NCAM2: variants seen among roughly 807,000 people sequenced by gnomAD.
NCAM2 encodes the protein N-CAM-2.
NCAM2 carries 30 observed loss-of-function variants against 98.1 expected under a neutral mutation model. The observed-to-expected ratio is 0.31, with a 90% CI of 0.23 to 0.41. NCAM2 has a LOEUF of 0.41. Among genes scored for constraint, NCAM2 ranks in the 10% least tolerant of loss-of-function variants. The pLI is 1.00. For synonymous variants in NCAM2, 368 were observed against 342.4 expected (o/e 1.07, Z -0.83); for missense variants, 867 against 1,005.8 (o/e 0.86, Z 1.87).
intron 12 of NCAM2, among the ~76,000 whole-genome samples, chr21:21,464,403 T>G (rs1350502148): frequency 6.6e-6 from 1 of 152,134 alleles, no homozygotes; most frequent in East Asian, 1.9e-4. Flanking sequence ...TGAGCCTAGC[T>G]CACCTTTGCT....
At chr21:21,247,818 G>A (rs1454706815) in intron 1 of NCAM2, among the ~76,000 whole-genome samples, 1 of 152,142 alleles carries the variant, frequency 6.6e-6, no homozygotes, top group Admixed American at 6.5e-5. Context: ...TTATCTGAAT[G>A]AAAATATTTT....
chr21:21,529,065 T>C (rs1989485327), intron 16 of NCAM2, among the ~76,000 whole-genome samples: 1 of 152,136 alleles, frequency 6.6e-6, no homozygotes. Flanking sequence ...AATGAAAATA[T>C]CATGGTTGAT....
At chr21:21,485,097 G>T (rs1422016055) in intron 15 of NCAM2, among the ~76,000 whole-genome samples, 1 of 151,854 alleles carries the variant, frequency 6.6e-6, no homozygotes, top group Admixed American at 6.6e-5. Flanking sequence ...TAAAACATAA[G>T]CATTATATTT....
chr21:21,474,148 G>T (rs1984844700), intron 14 of NCAM2, among the ~76,000 whole-genome samples: 1 of 151,860 alleles, frequency 6.6e-6, no homozygotes, highest in African/African-American at 2.4e-5. Context: ...GATGCCAGGG[G>T]AGTATTTGGT....
intron 1 of NCAM2, among the ~76,000 whole-genome samples, chr21:21,263,044 G>A (rs1568851294): frequency 1.3e-5 from 2 of 152,152 alleles, no homozygotes; most frequent in Middle Eastern, 3.4e-3. Context: ...TGGGGACACA[G>A]CCAAACCATA....
At chr21:21,441,131 T>C (rs112955539) in intron 12 of NCAM2, among the ~76,000 whole-genome samples, 1 of 152,348 alleles carries the variant, frequency 6.6e-6, no homozygotes, top group African/African-American at 2.4e-5. Context: ...GCTTCAGCAG[T>C]AGTTAATATT....
intron 1 of NCAM2, among the ~76,000 whole-genome samples, chr21:21,146,338 G>A (rs2067273469): frequency 6.6e-6 from 1 of 151,100 alleles, no homozygotes; most frequent in Non-Finnish European, 1.5e-5. Context: ...TGTTATAGAG[G>A]GAAAATTGTC....
At chr21:21,192,385 G>T (rs1250589326) in intron 1 of NCAM2, among the ~76,000 whole-genome samples, 2 of 152,140 alleles carry the variant, frequency 1.3e-5, no homozygotes, top group East Asian at 1.9e-4. Flanking sequence ...GGTAAATAGA[G>T]CATTTAGAGT....
intron 1 of NCAM2, among the ~76,000 whole-genome samples, chr21:21,155,289 G>A (rs1234155863): frequency 1.3e-5 from 2 of 151,116 alleles, no homozygotes; most frequent in Non-Finnish European, 3.0e-5. Flanking sequence ...GAAATTTTGA[G>A]TCTGCTTAAT....
chr21:21,234,726 T>C (rs1438251981), intron 1 of NCAM2, among the ~76,000 whole-genome samples: 1 of 151,926 alleles, frequency 6.6e-6, no homozygotes, highest in African/African-American at 2.4e-5. Context: ...TTAATGAGTG[T>C]CTGGAGCAGA....
At chr21:21,343,354 C>T (rs1039319012) in intron 8 of NCAM2, among the ~76,000 whole-genome samples, 1 of 131,554 alleles carries the variant, frequency 7.6e-6, no homozygotes, top group African/African-American at 2.9e-5. Context: ...ACTATCTATA[C>T]ACATACACAC....
intron 12 of NCAM2, among the ~76,000 whole-genome samples, chr21:21,438,342 A>G (rs944292911): frequency 6.6e-6 from 1 of 152,180 alleles, no homozygotes; most frequent in African/African-American, 2.4e-5. Flanking sequence ...TTCTAATCTT[A>G]AATAAATCAT....
intron 1 of NCAM2, among the ~76,000 whole-genome samples, chr21:21,192,453 G>A (rs1229085868): frequency 6.6e-6 from 1 of 152,134 alleles, no homozygotes; most frequent in African/African-American, 2.4e-5. Context: ...AAATATGGAA[G>A]TAATTGAAAC....
chr21:21,448,928 C>A lies in NCAM2; in HGVS notation c.1654+16647C>A, dbSNP rs539864267. Among the ~76,000 whole-genome samples, 36 of 152,074 alleles carry A rather than the reference C, an allele frequency of 2.4e-4. 1 individual carries two copies. In the South Asian group the frequency reaches 7.1e-3, roughly 30 times the overall value. ...GTGTTCATTGCACCCATAAAGAGAA[C>A]CATAGCTAAATTAGGATGTTGTATG... On this transcript the variant is annotated intron_variant, in intron 12 of 17. Transcript: ENST00000400546.
At chr21:21,092,540 C>G (rs17003807) in intron 1 of NCAM2, among the ~76,000 whole-genome samples, 1 of 151,790 alleles carries the variant, frequency 6.6e-6, no homozygotes, top group Non-Finnish European at 1.5e-5. Flanking sequence ...AAACTACCTG[C>G]TTTGATACTA....
chr21:21,517,248 G>A (rs1231284589), intron 16 of NCAM2, among the ~76,000 whole-genome samples: 1 of 151,900 alleles, frequency 6.6e-6, no homozygotes, highest in African/African-American at 2.4e-5. Context: ...GTGTACTCCT[G>A]TTTCATTCCA....
intron 2 of NCAM2, among the ~76,000 whole-genome samples, chr21:21,282,210 GA>G (rs1190105244): frequency 5.9e-5 from 9 of 151,646 alleles, no homozygotes; most frequent in Non-Finnish European, 1.2e-4. Context: ...CATAAAGGTA[GA>G]ATAACAAAAT....
At chr21:21,476,553 A>G (rs948180123) in intron 14 of NCAM2, among the ~76,000 whole-genome samples, 2 of 152,104 alleles carry the variant, frequency 1.3e-5, no homozygotes, top group Non-Finnish European at 2.9e-5. Context: ...AATTTAATTT[A>G]TAATTGTATC....
chr21:21,257,653 G>C (rs114063538), intron 1 of NCAM2, among the ~76,000 whole-genome samples: 2,115 of 152,052 alleles, frequency 0.014, 57 homozygotes, highest in African/African-American at 0.048. Flanking sequence ...CGCAGTCTCT[G>C]CTCACTGCAA....
Sources: allele counts gnomAD v4.1 joint callset (sites outside exome capture counted in the v4.1 genomes callset), GRCh38; gene constraint gnomAD v4.1.1; transcripts MANE v1.5; gene names NCBI Gene and HGNC (gene_info 2026-07-23, HGNC 2026-07-21).